Variants in BNC2 observed in about 807,000 individuals in gnomAD.
BNC2 encodes the protein zinc finger protein basonuclin-2.
A neutral mutation model predicts 76.3 loss-of-function variants in BNC2; 20 were observed. The ratio of observed to expected loss-of-function variants is 0.26; its 90% confidence interval spans 0.18 to 0.38. The LOEUF is 0.38. BNC2 is among the 10% of genes least tolerant of loss of function. The pLI is 1.00. For synonymous variants in BNC2, 582 were observed against 514.8 expected, an observed-to-expected ratio of 1.13 and a Z score of -1.77; for missense variants, 1,382 against 1,399.8, an observed-to-expected ratio of 0.99 and a Z score of 0.20.
intron 5 of BNC2, among the ~76,000 whole-genome samples, chr9:16,523,998 A>T (rs1051136720): frequency 2.0e-5 from 3 of 152,192 alleles, no homozygotes; most frequent in Non-Finnish European, 4.4e-5. Flanking sequence ...ACTCTAACAG[A>T]TTTTAGCTTC....
At chr9:16,784,656 G>A (rs1230285758) in intron 1 of BNC2, among the ~76,000 whole-genome samples, 1 of 152,156 alleles carries the variant, frequency 6.6e-6, no homozygotes, top group Admixed American at 6.5e-5. Flanking sequence ...CAAAGTCAGA[G>A]GTGTTTTTAA....
At position 16,463,663 on chromosome 9, in the gene BNC2, G is replaced by A. The variant is rs552178287; in HGVS notation, c.670-26139C>T. Among the ~76,000 whole-genome samples, 4 of 152,182 alleles carry A rather than the reference G, an allele frequency of 2.6e-5. No individual in the cohort carries two copies. In the South Asian group the frequency reaches 8.3e-4, roughly 32 times the overall value. On this transcript the variant is annotated intron_variant, in intron 5 of 6. Transcript: ENST00000380672. ...CTATCTCACCGCACTGACAAAAACA[G>A]AATTAAATTTCCATTTGTTGCAAAT...
chr9:16,586,588 T>C (rs1394060732), intron 3 of BNC2, among the ~76,000 whole-genome samples: 1 of 113,814 alleles, frequency 8.8e-6, no homozygotes, highest in Non-Finnish European at 1.8e-5. Flanking sequence ...TTTTCTGGCA[T>C]CAACTGCTCT....
At chr9:16,784,842 C>T (rs1373562807) in intron 1 of BNC2, among the ~76,000 whole-genome samples, 1 of 152,148 alleles carries the variant, frequency 6.6e-6, no homozygotes, top group Non-Finnish European at 1.5e-5. Flanking sequence ...AATAATGAGA[C>T]TTTTTCTTTT....
chr9:16,677,606 C>CACACACACACACACACACACACACACAG (rs1455196025), intron 3 of BNC2, among the ~76,000 whole-genome samples: 2 of 151,282 alleles, frequency 1.3e-5, no homozygotes, highest in African/African-American at 4.9e-5. Flanking sequence ...CACACACACA[C>CACACACACACACACACACACACACACAG]AGTAGCAATA....
At chr9:16,468,985 CTGAA>C (rs1349236431) in intron 5 of BNC2, among the ~76,000 whole-genome samples, 1 of 152,116 alleles carries the variant, frequency 6.6e-6, no homozygotes, top group African/African-American at 2.4e-5. Flanking sequence ...AAAATGTTTG[CTGAA>C]TGAATATATC....
intron 4 of BNC2, chr9:16,579,876 T>C (rs2133005992): frequency 2.7e-6 from 1 of 374,184 alleles, no homozygotes; most frequent in African/African-American, 2.1e-5. Context: ...GATTTTGGCA[T>C]TTGGTTATTT....
intron 1 of BNC2, among the ~76,000 whole-genome samples, chr9:16,790,260 G>C (rs764888705): frequency 1.3e-5 from 2 of 152,206 alleles, no homozygotes; most frequent in Non-Finnish European, 2.9e-5. Context: ...GCCTCCCAAA[G>C]TGCTGGGATT....
intron 5 of BNC2, among the ~76,000 whole-genome samples, chr9:16,505,627 G>A (rs532860717): frequency 1.9e-4 from 29 of 152,070 alleles, no homozygotes; most frequent in Non-Finnish European, 3.4e-4. Context: ...AAAGAAAATA[G>A]TGCTTTAAGT....
chr9:16,610,504 AT>A (rs1226452812), intron 3 of BNC2, among the ~76,000 whole-genome samples: 2 of 152,222 alleles, frequency 1.3e-5, no homozygotes, highest in Non-Finnish European at 2.9e-5. Flanking sequence ...TATCAGGGTT[AT>A]AAGGGTCTAT....
chr9:16,728,103 A>C, intron 2 of BNC2, 106 bp from the exon 3 acceptor site: 7 of 480,856 alleles, frequency 1.5e-5, no homozygotes, highest in Non-Finnish European at 1.9e-5. Flanking sequence ...GAAGGGGGAG[A>C]TTTGGGGGAG....
chr9:16,613,971 A>G (rs1475869019), intron 3 of BNC2, among the ~76,000 whole-genome samples: 1 of 152,228 alleles, frequency 6.6e-6, no homozygotes, highest in African/African-American at 2.4e-5. Flanking sequence ...TACCATATGG[A>G]TAACAGCCAC....
chr9:16,586,492 T>G (rs1181201963), intron 3 of BNC2, among the ~76,000 whole-genome samples: 2 of 152,190 alleles, frequency 1.3e-5, no homozygotes, highest in South Asian at 4.1e-4. Flanking sequence ...TCCTTTTTTC[T>G]AGTCTCCTTG....
intron 1 of BNC2, among the ~76,000 whole-genome samples, chr9:16,748,072 A>G (rs1746892792): frequency 6.6e-6 from 1 of 152,226 alleles, no homozygotes; most frequent in South Asian, 2.1e-4. Context: ...CATGAGTAAA[A>G]GGCAAGATGC....
chr9:16,666,999 A>G (rs187475463), intron 3 of BNC2, among the ~76,000 whole-genome samples: 11 of 152,220 alleles, frequency 7.2e-5, no homozygotes, highest in African/African-American at 2.6e-4. Flanking sequence ...TTTAAAACCA[A>G]TAAAGAACAC....
chr9:16,740,542 G>A (rs1160651482), intron 1 of BNC2, among the ~76,000 whole-genome samples: 1 of 152,188 alleles, frequency 6.6e-6, no homozygotes, highest in Admixed American at 6.5e-5. Flanking sequence ...TATTGCAGAG[G>A]AGTTAAGAAG....
chr9:16,530,229 G>A (rs950198400), intron 5 of BNC2, among the ~76,000 whole-genome samples: 4 of 151,864 alleles, frequency 2.6e-5, no homozygotes, highest in Admixed American at 6.6e-5. Flanking sequence ...CTACTGAAGC[G>A]GCATTACTGT....
chr9:16,677,709 G>A (rs545330298), intron 3 of BNC2, among the ~76,000 whole-genome samples: 11 of 152,106 alleles, frequency 7.2e-5, no homozygotes, highest in South Asian at 2.1e-4. Flanking sequence ...TCCTGTGTCC[G>A]GAGTTAAGAA....
intron 5 of BNC2, among the ~76,000 whole-genome samples, chr9:16,497,392 T>A (rs997486465): frequency 2.0e-5 from 3 of 152,208 alleles, no homozygotes; most frequent in African/African-American, 7.2e-5. Context: ...CCAAGTTGGT[T>A]TTATCAGCAA....
Sources: allele counts gnomAD v4.1 joint callset (sites outside exome capture counted in the v4.1 genomes callset), GRCh38; gene constraint gnomAD v4.1.1; transcripts MANE v1.5; gene names NCBI Gene and HGNC (gene_info 2026-07-23, HGNC 2026-07-21).